The following TTLL10 variants were observed in gnomAD, a reference collection of about 807,000 sequenced individuals.
TTLL10 encodes the protein inactive polyglycylase TTLL10.
TTLL10 carries 61 observed loss-of-function variants against 69.0 expected under a neutral mutation model. That is an observed-to-expected ratio of 0.88 (90% CI 0.72 to 1.09). The LOEUF (loss-of-function observed/expected upper bound fraction) is 1.09, where lower values mean the gene tolerates loss of function less well. Among genes scored for constraint, TTLL10 ranks in the 50% least tolerant of loss-of-function variants. The probability of loss-of-function intolerance (pLI) is 0.00; values close to 1 mark genes in which losing one functional copy is unlikely to be tolerated. For missense variants in TTLL10, 962 were observed against 945.9 expected (o/e 1.02, Z -0.22); for synonymous variants, 408 against 393.3 (o/e 1.04, Z -0.44).
chr1:1,180,104 C>A lies in TTLL10; in HGVS notation c.270C>A (p.Asp90Glu). ...EGLRCQPSQP[D>E]HDADGHCGPD... Reference sequence around the variant, plus strand: ...TCCGGTGTCAGCCAAGCCAGCCAGACCACGACGCAGATGGACACTGTGGGC... The same window carrying A: ...TCCGGTGTCAGCCAAGCCAGCCAGAACACGACGCAGATGGACACTGTGGGC... Residue 90 changes from aspartate to glutamate, a missense_variant, in exon 6 of 16, where the codon GAC becomes GAA. Physicochemically the swap from Asp to Glu is conservative, Grantham distance 45 (BLOSUM62 2). Coordinates refer to ENST00000379289, the MANE Select transcript of TTLL10 (RefSeq NM_001130045.2). 1 of 1,610,984 alleles carries A rather than the reference C, an allele frequency of 6.2e-7. No individual in the cohort carries two copies. Among genetic ancestry groups the A allele is most frequent in the Non-Finnish European group, 8.5e-7 (1 of 1,178,984 alleles).
At chr1:1,177,394 C>G (rs1265487449) in intron 3 of TTLL10, among the ~76,000 whole-genome samples, 4 of 152,182 alleles carry the variant, frequency 2.6e-5, no homozygotes, top group Non-Finnish European at 5.9e-5. Flanking sequence ...TCACTGCAAG[C>G]TCCACCTCCC....
chr1:1,182,466 A>T lies in TTLL10; in HGVS notation c.916+20A>T, dbSNP rs1488599547. On this transcript the variant is annotated intron_variant, in intron 10 of 15. Transcript: ENST00000379289. ...TTGATGGTGAGACGCTGCTGGCCGG[A>T]CACCAGGCTGGCCCTGGGGAGACAG... The T allele has an allele frequency of 6.2e-7, 1 of 1,611,508 alleles. No homozygotes were observed. The highest frequency in any genetic ancestry group is 1.7e-4 in the Middle Eastern group (1 of 6,060).
In TTLL10 at chr1:1,180,191, C is replaced by T. The variant is rs1361132120; in HGVS notation, c.357C>T (p.Ser119=). Residue 119 remains serine, a synonymous_variant, in exon 6 of 16, where the codon AGC becomes AGT. Transcript: ENST00000379289. ...CCGGACCCCCTGGGCTCCTGAACAGCCACCGGCCTGCAGACTCGGATGACA... is the reference window on the plus strand; with the variant it reads ...CCGGACCCCCTGGGCTCCTGAACAGTCACCGGCCTGCAGACTCGGATGACA... ...ATPGPPGLLN[S]HRPADSDDTN... 1.9e-6 allele frequency: 3 copies of T among 1,611,224 alleles called. No homozygotes were observed. In the South Asian group the frequency reaches 3.3e-5, roughly 18 times the overall value.
chr1:1,174,581 C>T (rs568763178), intron 3 of TTLL10, 92 bp downstream of exon 3: 3 of 152,388 alleles, frequency 2.0e-5, no homozygotes, highest in African/African-American at 4.8e-5. Flanking sequence ...GCGTCACAAC[C>T]GTCCTCCACA....
At position 1,188,702 on chromosome 1, in the gene TTLL10, G is replaced by A. The variant is rs1647526112; in HGVS notation, c.1401+3593G>A. On this transcript the variant is annotated intron_variant, in intron 13 of 15. Transcript: ENST00000379289. ...TTACAGGTGTGAGCCACCACACCCA[G>A]CCTCATCGAAATTTTAATAGGCATT... Among the ~76,000 whole-genome samples, 3 of 152,280 alleles carry A rather than the reference G, an allele frequency of 2.0e-5. No homozygotes were observed. In the South Asian group the frequency reaches 6.2e-4, roughly 32 times the overall value.
chr1:1,183,429 G>A (rs770265589), intron 11 of TTLL10, among the ~76,000 whole-genome samples: 1 of 152,164 alleles, frequency 6.6e-6, no homozygotes, highest in Non-Finnish European at 1.5e-5. Flanking sequence ...GCTTCCTCCA[G>A]AAAGCCCCGT....
chr1:1,197,194 TC>T lies in TTLL10; in HGVS notation c.1612+10del. 1.3e-6 allele frequency: 2 copies of T among 1,547,678 alleles called. No homozygotes were observed. The highest frequency in any genetic ancestry group is 1.7e-6 in the Non-Finnish European group (2 of 1,145,820). ...TGGTCATCGAGACCCTGGGTGAGCC[TC>T]CAAGCCCCCACCCCACACCCCCACA... is the stretch of plus-strand genomic sequence containing the variant. On this transcript the variant is annotated intron_variant, in intron 15 of 15. Transcript: ENST00000379289.
intron 13 of TTLL10, among the ~76,000 whole-genome samples, chr1:1,189,935 AC>A (rs1475111829): frequency 6.6e-6 from 1 of 151,748 alleles, no homozygotes; most frequent in East Asian, 1.9e-4. Flanking sequence ...ACACGGTGAA[AC>A]CCCGTCTCTA....
chr1:1,176,582 G>A (rs76413434), intron 3 of TTLL10, among the ~76,000 whole-genome samples: 6,188 of 152,188 alleles, frequency 0.041, 184 homozygotes, highest in African/African-American at 0.079. Flanking sequence ...TGGAATTCCC[G>A]GCTGGGAGCC....
rs758076350 is a variant in TTLL10, at chr1:1,197,866, AGCGCCCCGCGCCCC to A, written c.*27_*40del. ...GCCCTAGGGGCAGCCACCCGCGCCC[AGCGCCCCGCGCCCC>A]GCGCCCCAGCCGTGCTGCCTGCCCT... On this transcript the variant is annotated 3_prime_UTR_variant, in exon 16 of 16. Coordinates refer to ENST00000379289, the MANE Select transcript of TTLL10 (RefSeq NM_001130045.2). The A allele has an allele frequency of 1.4e-6, 2 of 1,421,194 alleles. No homozygotes were observed. The highest frequency in any genetic ancestry group is 1.5e-5 in the South Asian group (1 of 66,794). 88.0% of individuals were successfully genotyped at this position (1,421,194 alleles called of 1,614,324 possible).
chr1:1,179,305 C>A lies in TTLL10; in HGVS notation c.90C>A (p.Ile30=). Residue 30 remains isoleucine, a synonymous_variant, in exon 4 of 16, where the codon ATC becomes ATA. Coordinates refer to ENST00000379289, the MANE Select transcript of TTLL10 (RefSeq NM_001130045.2). ...AGFKRGKRPR[I]QQRPRARVSG... is the part of the protein sequence containing the mutation. ...TCAAGAGGGGCAAGAGGCCAAGGAT[C>A]CAGCAGAGGCCTCGGGCTCGAGTCT... is the stretch of plus-strand genomic sequence containing the variant. 6.4e-7 allele frequency: 1 copy of A among 1,551,222 alleles called. No individual in the cohort carries two copies. The highest frequency in any genetic ancestry group is 8.7e-7 in the Non-Finnish European group (1 of 1,146,830).
intron 3 of TTLL10, chr1:1,174,918 C>G (rs1646829455): frequency 6.6e-6 from 1 of 152,238 alleles, no homozygotes; most frequent in Non-Finnish European, 1.5e-5. Flanking sequence ...GAGTTTGAGA[C>G]CAGCCTGGTC....
At chr1:1,177,601 G>A (rs1054565956) in intron 3 of TTLL10, among the ~76,000 whole-genome samples, 3 of 152,310 alleles carry the variant, frequency 2.0e-5, no homozygotes, top group African/African-American at 2.4e-5. Flanking sequence ...GTGAGCCTCC[G>A]CGCCCGGCTG....
At chr1:1,186,217 T>C (rs571995871) in intron 13 of TTLL10, among the ~76,000 whole-genome samples, 4 of 152,100 alleles carry the variant, frequency 2.6e-5, no homozygotes, top group Non-Finnish European at 5.9e-5. Context: ...GCCTCCCAAG[T>C]AGCTGCAACT....
chr1:1,186,853 T>G lies in TTLL10; in HGVS notation c.1401+1744T>G, dbSNP rs187404803. Among the ~76,000 whole-genome samples, 994 of 150,860 alleles carry G rather than the reference T, an allele frequency of 6.6e-3. 12 individuals carry two copies. Among genetic ancestry groups the G allele is most frequent in the African/African-American group, 0.021 (841 of 40,918 alleles). Reference sequence around the variant, plus strand: ...AAGTTTTTTTTGTTTGTTTTTTGTTTTTTTTTTTTTGAGACAGAGGCTCGC... The same window carrying G: ...AAGTTTTTTTTGTTTGTTTTTTGTTGTTTTTTTTTTGAGACAGAGGCTCGC... On this transcript the variant is annotated intron_variant, in intron 13 of 15. Transcript: ENST00000379289.
chr1:1,179,152 G>A, intron 3 of TTLL10, 37 bp from the exon 4 acceptor site: 1 of 1,379,478 alleles, frequency 7.2e-7, no homozygotes, highest in Non-Finnish European at 9.7e-7. Context: ...CCGCGCGGAG[G>A]TCCCACAGGA....
rs74046640 is a variant in TTLL10 at position 1,184,990 on chromosome 1, C to G, written c.1282C>G (p.Leu428Val). The change falls in exon 13 of 16, where the codon CTG becomes GTG. Residue 428 changes from leucine to valine, a missense_variant. Leu to Val is a conservative substitution (Grantham distance 32). Coordinates refer to ENST00000379289, the MANE Select transcript of TTLL10 (RefSeq NM_001130045.2). ...TNQFMQKKSP[L>V]YMLLKEHTVW... ...CCAGTTCATGCAGAAGAAGAGCCCT[C>G]TGTACATGCTGCTGAAGGAGCACAC... is the stretch of plus-strand genomic sequence containing the variant. The G allele has an allele frequency of 4.9e-3, 7,942 of 1,612,544 alleles. 327 individuals are homozygous for G. In the African/African-American group the frequency reaches 0.09, roughly 18 times the overall value.
At chr1:1,186,195 TCTC>T (rs1647304564) in intron 13 of TTLL10, among the ~76,000 whole-genome samples, 1 of 151,988 alleles carries the variant, frequency 6.6e-6, no homozygotes, top group Admixed American at 6.6e-5. Context: ...TTCAAGCAAT[TCTC>T]CTGCCTCAGC....
intron 3 of TTLL10, chr1:1,175,498 C>A: frequency 2.7e-6 from 1 of 368,016 alleles, no homozygotes; most frequent in Non-Finnish European, 5.4e-6. Context: ...CAGAGCTGCC[C>A]GGCCTCCCCG....
Sources: allele counts gnomAD v4.1 joint callset (sites outside exome capture counted in the v4.1 genomes callset), GRCh38; gene constraint gnomAD v4.1.1; transcripts MANE v1.5; gene names NCBI Gene and HGNC (gene_info 2026-07-23, HGNC 2026-07-21).